PHC3: variants seen among roughly 807,000 people sequenced by gnomAD.
PHC3 encodes the protein polyhomeotic-like protein 3.
Under a neutral mutation model 107.4 loss-of-function variants are expected in PHC3, and 13 were observed. That is an observed-to-expected ratio of 0.12 (90% CI 0.08 to 0.19). PHC3 has a LOEUF of 0.19. Ranked by LOEUF, PHC3 falls within the 10% of genes least tolerant of loss-of-function variation. The pLI is 1.00. For missense variants in PHC3, 992 were observed against 1,210.9 expected (o/e 0.82, Z 2.68); for synonymous variants, 456 against 427.4 (o/e 1.07, Z -0.83).
rs966285797 is a variant in PHC3, at chr3:170,117,262, T to C, written c.2157A>G (p.Glu719=). The C allele has an allele frequency of 3.1e-6, 5 of 1,613,848 alleles. No individual in the cohort carries two copies. The East Asian group carries it at 8.9e-5, about 29-fold the overall frequency. ...VKPQILTHVI[E]GFVIQEGLEP... is the part of the protein sequence containing the mutation. ...CCAATCCCTCCTGAATCACAAAGCC[T>C]TCAATAACATGGGTTAGGATCTGTG... Residue 719 remains glutamate, a synonymous_variant, in exon 10 of 15, where the codon GAA becomes GAG. Coordinates refer to ENST00000495893, the MANE Select transcript of PHC3 (RefSeq NM_024947.4).
intron 14 of PHC3, among the ~76,000 whole-genome samples, chr3:170,101,269 G>A (rs888931751): frequency 6.6e-6 from 1 of 152,048 alleles, no homozygotes; most frequent in Admixed American, 6.6e-5. Flanking sequence ...TTAAAACTTA[G>A]CATTTCTAAA....
intron 6 of PHC3, among the ~76,000 whole-genome samples, chr3:170,137,696 C>G (rs1372572088): frequency 5.3e-5 from 8 of 152,224 alleles, no homozygotes; most frequent in African/African-American, 1.4e-4. Context: ...GTAAGGAATT[C>G]AAGACCAGCC....
chr3:170,126,627 T>C (rs1721348802), intron 8 of PHC3, among the ~76,000 whole-genome samples: 1 of 150,708 alleles, frequency 6.6e-6, no homozygotes, highest in African/African-American at 2.4e-5. Context: ...CTGCAACCTC[T>C]GCCTCACGGG....
At chr3:170,120,771 C>T (rs1017314488) in intron 9 of PHC3, among the ~76,000 whole-genome samples, 1 of 151,844 alleles carries the variant, frequency 6.6e-6, no homozygotes, top group Non-Finnish European at 1.5e-5. Context: ...CTAAAGAAAG[C>T]AGAGAGCAAG....
intron 7 of PHC3, among the ~76,000 whole-genome samples, chr3:170,134,459 G>C (rs1194062198): frequency 6.6e-6 from 1 of 151,952 alleles, no homozygotes; most frequent in Non-Finnish European, 1.5e-5. Context: ...CAAAGTGCTG[G>C]GATTATAGAT....
At chr3:170,150,717 G>T (rs1577174177) in intron 4 of PHC3, 1 of 422,454 alleles carries the variant, frequency 2.4e-6, no homozygotes, top group East Asian at 9.5e-5. Context: ...CATCTAAAAA[G>T]AGAAAAGAAA....
At chr3:170,121,082 A>G (rs149873846) in intron 9 of PHC3, among the ~76,000 whole-genome samples, 1,857 of 152,314 alleles carry the variant, frequency 0.012, 39 homozygotes, top group African/African-American at 0.042. Context: ...TGGACAACGA[A>G]ATTTGAATTT....
chr3:170,146,472 A>G (rs1286295701), intron 5 of PHC3, among the ~76,000 whole-genome samples: 9 of 151,476 alleles, frequency 5.9e-5, no homozygotes, highest in African/African-American at 2.2e-4. Flanking sequence ...AAATCTTCAC[A>G]TCAAAAAACA....
At position 170,092,739 on chromosome 3, in the gene PHC3, T is replaced by C. The variant is rs188332397; in HGVS notation, c.*4491A>G. On this transcript the variant is annotated 3_prime_UTR_variant, in exon 15 of 15. Transcript: ENST00000495893. ...ACAACCTTTGAATTTTTGACAAATATTCTCCAACTGTAATAAAAGGTTCTC... is the reference window on the plus strand; with the variant it reads ...ACAACCTTTGAATTTTTGACAAATACTCTCCAACTGTAATAAAAGGTTCTC... 6.6e-6 allele frequency: 1 copy of C among 152,316 alleles called. No homozygotes were observed. Among genetic ancestry groups the C allele is most frequent in the Non-Finnish European group, 1.5e-5 (1 of 68,024 alleles). The allele number at this position is 152,316 out of a possible 1,614,324, so 9.4% of individuals were successfully genotyped here. A position where few individuals can be genotyped will look rare whatever the true frequency, so the allele number is the denominator to read the frequency against.
Position 170,129,106 on chromosome 3 carries a change from C to T in PHC3, c.1366G>A (p.Val456Met), listed in dbSNP as rs746848610. ...AGATTCAACTGTGCTGTAGCTTGCA[C>T]CTGATTAGCAGTGGACTGCTGCAAA... ...PNLQQSTANQ[V>M]QATAQLNLPS... Residue 456 changes from valine (V) to methionine (M), a missense_variant, in exon 8 of 15, where the codon GTG becomes ATG. Physicochemically the swap from Val to Met is conservative, Grantham distance 21. Transcript: ENST00000495893. 3 of 1,612,778 alleles carry T rather than the reference C, an allele frequency of 1.9e-6. No homozygotes were observed. Among genetic ancestry groups the T allele is most frequent in the Admixed American group, 3.3e-5 (2 of 59,744 alleles).
At chr3:170,110,066 A>G (rs1445107300) in intron 11 of PHC3, among the ~76,000 whole-genome samples, 2 of 152,116 alleles carry the variant, frequency 1.3e-5, no homozygotes, top group East Asian at 1.9e-4. Context: ...CTCTGATATC[A>G]TATCCTGCTG....
intron 10 of PHC3, among the ~76,000 whole-genome samples, chr3:170,114,046 A>C (rs1474695055): frequency 6.6e-6 from 1 of 151,958 alleles, no homozygotes; most frequent in African/African-American, 2.4e-5. Context: ...TTTTTGAGAC[A>C]CAGTTTTGCT....
At chr3:170,131,048 ATTAT>A (rs1722177907) in intron 7 of PHC3, among the ~76,000 whole-genome samples, 1 of 151,774 alleles carries the variant, frequency 6.6e-6, no homozygotes, top group Non-Finnish European at 1.5e-5. Context: ...ACATTTGGTT[ATTAT>A]TTAAAATTTT....
intron 2 of PHC3, among the ~76,000 whole-genome samples, 188 bp from the exon 3 acceptor site, chr3:170,172,900 CTACCCA>C (rs1729834745): frequency 2.0e-5 from 3 of 152,128 alleles, no homozygotes; most frequent in Non-Finnish European, 4.4e-5. Context: ...CACATTAAAA[CTACCCA>C]GTGGGCCGGG....
chr3:170,180,693 A>G (rs1401532526), intron 1 of PHC3, among the ~76,000 whole-genome samples: 1 of 151,720 alleles, frequency 6.6e-6, no homozygotes, highest in Non-Finnish European at 1.5e-5. Context: ...TCATACTACT[A>G]CCGTATCGTG....
intron 1 of PHC3, among the ~76,000 whole-genome samples, chr3:170,179,769 T>C (rs1049940704): frequency 2.0e-5 from 3 of 152,242 alleles, no homozygotes; most frequent in African/African-American, 4.8e-5. Context: ...AGAATCTGTA[T>C]TTGAATAAAT....
intron 4 of PHC3, among the ~76,000 whole-genome samples, chr3:170,166,612 A>ATTTTTAAT (rs1728786710): frequency 6.6e-6 from 1 of 152,108 alleles, no homozygotes; most frequent in Non-Finnish European, 1.5e-5. Flanking sequence ...TATCTAGGTC[A>ATTTTTAAT]TTTTTAATTA....
rs551966414 is a variant in PHC3, at chr3:170,168,826, GAGAAA to G, written c.414+2542_414+2546del. Among the ~76,000 whole-genome samples, 228 of 150,628 alleles carry G rather than the reference GAGAAA, an allele frequency of 1.5e-3. 1 individual carries two copies. Among genetic ancestry groups the G allele is most frequent in the Non-Finnish European group, 2.8e-3 (187 of 67,810 alleles). ...GTAGAATTAGTCATGATTCTAATTAGAGAAAAGAAAAGAATGCAGGTACCCACTCG... is the reference window on the plus strand; with the variant it reads ...GTAGAATTAGTCATGATTCTAATTAGAGAAAAGAATGCAGGTACCCACTCG... On this transcript the variant is annotated intron_variant, in intron 4 of 14. Transcript: ENST00000495893.
rs554165582 is a variant in PHC3, at chr3:170,087,917, G to C, written c.*9313C>G. 1 of 152,138 alleles carries C rather than the reference G, an allele frequency of 6.6e-6. No homozygotes were observed. The highest frequency in any genetic ancestry group is 6.5e-5 in the Admixed American group (1 of 15,274). 9.4% of individuals were successfully genotyped at this position (152,138 alleles called of 1,614,324 possible). ...CATACACATGCTACTTAATATGAAA[G>C]TGCTTTCTCTTTTTTAAAAAAATAC... On this transcript the variant is annotated 3_prime_UTR_variant, in exon 15 of 15. Transcript: ENST00000495893.
Sources: allele counts gnomAD v4.1 joint callset (sites outside exome capture counted in the v4.1 genomes callset), GRCh38; gene constraint gnomAD v4.1.1; transcripts MANE v1.5; gene names NCBI Gene and HGNC (gene_info 2026-07-23, HGNC 2026-07-21).